The following NTM variants were observed in gnomAD, a reference collection of about 807,000 sequenced individuals.
The protein encoded by NTM is neurotrimin.
A neutral mutation model predicts 42.1 loss-of-function variants in NTM; 13 were observed. That is an observed-to-expected ratio of 0.31 (90% confidence interval 0.20 to 0.49). The LOEUF (loss-of-function observed/expected upper bound fraction) is 0.49. NTM is among the 20% of genes least tolerant of loss of function. The pLI, the probability that NTM is intolerant of heterozygous loss-of-function variation, is 0.99. For synonymous variants in NTM, 187 were observed against 179.2 expected (o/e 1.04, Z -0.35); for missense variants, 373 against 452.8 (o/e 0.82, Z 1.60).
intron 1 of NTM, among the ~76,000 whole-genome samples, chr11:131,806,417 C>A (rs532998043): frequency 6.6e-6 from 1 of 152,282 alleles, no homozygotes; most frequent in Non-Finnish European, 1.5e-5. Flanking sequence ...GTGAGCCTCT[C>A]AATTCCAGAG....
intron 2 of NTM, among the ~76,000 whole-genome samples, chr11:131,991,007 G>A (rs1057186641): frequency 2.6e-5 from 4 of 152,070 alleles, no homozygotes; most frequent in African/African-American, 9.7e-5. Flanking sequence ...CAGGTACAAG[G>A]AAAACCAGTA....
chr11:131,432,839 C>CTTTTTTTGTTTTTT (rs1948771190), intron 1 of NTM, among the ~76,000 whole-genome samples: 1 of 68,694 alleles, frequency 1.5e-5, no homozygotes, highest in Non-Finnish European at 2.6e-5. Flanking sequence ...ATTTAGCATT[C>CTTTTTTTGTTTTTT]TTTTTTTTTT....
At chr11:132,151,785 T>G (rs967758903) in intron 3 of NTM, among the ~76,000 whole-genome samples, 1 of 152,180 alleles carries the variant, frequency 6.6e-6, no homozygotes, top group South Asian at 2.1e-4. Context: ...AGGGCAGGAA[T>G]GAGGGAAAGA....
At chr11:131,827,026 A>G (rs2042220368) in intron 1 of NTM, among the ~76,000 whole-genome samples, 1 of 152,128 alleles carries the variant, frequency 6.6e-6, no homozygotes, top group Non-Finnish European at 1.5e-5. Flanking sequence ...TTATTCATGC[A>G]TGTATCCATT....
At chr11:131,755,972 G>T (rs1344185684) in intron 1 of NTM, among the ~76,000 whole-genome samples, 1 of 152,166 alleles carries the variant, frequency 6.6e-6, no homozygotes, top group Non-Finnish European at 1.5e-5. Context: ...CTCTGCATTG[G>T]CCAGGAGATA....
intron 8 of NTM, among the ~76,000 whole-genome samples, chr11:132,330,731 C>A (rs150197944): frequency 2.0e-5 from 3 of 152,136 alleles, no homozygotes; most frequent in Non-Finnish European, 2.9e-5. Context: ...CACTCATCAC[C>A]GTTCTCTGGG....
intron 1 of NTM, among the ~76,000 whole-genome samples, chr11:131,647,016 A>C (rs757402518): frequency 6.6e-6 from 1 of 152,234 alleles, no homozygotes; most frequent in Non-Finnish European, 1.5e-5. Context: ...ACTGCCTTGC[A>C]GGGCTCCCAG....
chr11:131,719,066 C>T (rs898623211), intron 1 of NTM, among the ~76,000 whole-genome samples: 1 of 152,138 alleles, frequency 6.6e-6, no homozygotes, highest in Non-Finnish European at 1.5e-5. Flanking sequence ...CGTGCCACCA[C>T]ACCCGGCTAA....
intron 1 of NTM, among the ~76,000 whole-genome samples, chr11:131,497,968 G>A (rs1453914042): frequency 1.3e-5 from 2 of 152,252 alleles, no homozygotes; most frequent in African/African-American, 4.8e-5. Flanking sequence ...AGACTGTGTG[G>A]TCCAACCCTA....
chr11:132,329,286 G>A (rs1361100689), intron 7 of NTM, among the ~76,000 whole-genome samples: 1 of 152,218 alleles, frequency 6.6e-6, no homozygotes, highest in East Asian at 1.9e-4. Context: ...AAAGAGGGAA[G>A]TAAAAGATTA....
chr11:131,824,217 C>T (rs2093302219), intron 1 of NTM, among the ~76,000 whole-genome samples: 1 of 152,202 alleles, frequency 6.6e-6, no homozygotes, highest in East Asian at 1.9e-4. Flanking sequence ...ATTTTAACAA[C>T]TCCTTGGTGT....
chr11:132,295,562 G>T (rs1218079167), intron 4 of NTM, among the ~76,000 whole-genome samples: 2 of 152,188 alleles, frequency 1.3e-5, no homozygotes, highest in African/African-American at 4.8e-5. Context: ...GTGACGAAAG[G>T]GTTCCCAGAG....
intron 2 of NTM, among the ~76,000 whole-genome samples, chr11:131,945,862 G>C (rs903609239): frequency 6.6e-6 from 1 of 152,140 alleles, no homozygotes; most frequent in Non-Finnish European, 1.5e-5. Flanking sequence ...TGAATAGATG[G>C]CGTCTGGCAA....
At chr11:132,025,622 G>C (rs1009552048) in intron 2 of NTM, among the ~76,000 whole-genome samples, 2 of 152,140 alleles carry the variant, frequency 1.3e-5, no homozygotes, top group African/African-American at 4.8e-5. Flanking sequence ...TCACTCCACT[G>C]TGACTACCCA....
intron 1 of NTM, among the ~76,000 whole-genome samples, chr11:131,490,839 T>C (rs2059225843): frequency 6.6e-6 from 1 of 152,214 alleles, no homozygotes; most frequent in Non-Finnish European, 1.5e-5. Context: ...GAGAGAAATT[T>C]GAGTTGGGAT....
chr11:131,883,355 G>A (rs1015812316), intron 1 of NTM, among the ~76,000 whole-genome samples: 4 of 152,148 alleles, frequency 2.6e-5, no homozygotes, highest in African/African-American at 7.2e-5. Context: ...AAATCCAAAC[G>A]GAAATCATGG....
chr11:132,321,866 C>G (rs1409667199), intron 7 of NTM, among the ~76,000 whole-genome samples: 1 of 148,838 alleles, frequency 6.7e-6, no homozygotes, highest in South Asian at 2.2e-4. Flanking sequence ...AGAGTGGGGG[C>G]CAATATTCAA....
chr11:131,397,788 G>A (rs755911425), intron 1 of NTM, among the ~76,000 whole-genome samples: 2 of 152,082 alleles, frequency 1.3e-5, no homozygotes, highest in Non-Finnish European at 2.9e-5. Context: ...GTCTTTGTAC[G>A]TGTCCCCAGT....
chr11:132,253,760 T>C (rs2139417145), intron 4 of NTM, among the ~76,000 whole-genome samples: 1 of 152,244 alleles, frequency 6.6e-6, no homozygotes, highest in Non-Finnish European at 1.5e-5. Flanking sequence ...TCAGAGACTG[T>C]TTTTCAGGCT....
Sources: allele counts gnomAD v4.1 joint callset (sites outside exome capture counted in the v4.1 genomes callset), GRCh38; gene constraint gnomAD v4.1.1; transcripts MANE v1.5; gene names NCBI Gene and HGNC (gene_info 2026-07-23, HGNC 2026-07-21).